Variants in ATXN7 observed in about 807,000 individuals in gnomAD.
The protein encoded by ATXN7 is ataxin-7.
In ATXN7, 12 loss-of-function variants were observed where a neutral mutation model predicts 70.5. That is an observed-to-expected ratio of 0.17 (90% CI 0.11 to 0.28). ATXN7 has a LOEUF of 0.28. Among genes scored for constraint, ATXN7 ranks in the 10% least tolerant of loss-of-function variants. The pLI, the probability that ATXN7 is intolerant of heterozygous loss-of-function variation, is 1.00. For synonymous variants in ATXN7, 498 were observed against 448.7 expected (o/e 1.11, Z -1.39); for missense variants, 1,256 against 1,131.7 (o/e 1.11, Z -1.58).
At chr3:63,863,707 A>C (rs935518680), upstream of ATXN7, 1 of 1,244,370 alleles carries the variant, frequency 8.0e-7, no homozygotes, top group East Asian at 3.2e-5. Context: ...CCGGGAGGCC[A>C]GGGGTCTCAG....
At chr3:63,887,965 T>C (rs1703138470) in intron 1 of ATXN7, among the ~76,000 whole-genome samples, 1 of 152,098 alleles carries the variant, frequency 6.6e-6, no homozygotes, top group Non-Finnish European at 1.5e-5. Context: ...TTTTACATAT[T>C]GTGTGCTACC....
At chr3:63,865,894 C>CAAAGAA (rs1702405810) in intron 1 of ATXN7, among the ~76,000 whole-genome samples, 1 of 16,558 alleles carries the variant, frequency 6.0e-5, no homozygotes, top group Non-Finnish European at 1.2e-4. Flanking sequence ...GACTCCATCT[C>CAAAGAA]AAAAAAAAAA....
At chr3:63,910,060 T>C (rs1303349884) in intron 2 of ATXN7, among the ~76,000 whole-genome samples, 1 of 152,192 alleles carries the variant, frequency 6.6e-6, no homozygotes, top group Non-Finnish European at 1.5e-5. Context: ...TTAAGCCCGC[T>C]TGTGTTTTAT....
At position 63,913,247 on chromosome 3, in the gene ATXN7, G is replaced by C. The variant is rs757231066; in HGVS notation, c.394+22G>C. On this transcript the variant is annotated intron_variant, in intron 4 of 12. Coordinates refer to ENST00000674280, the MANE Select transcript of ATXN7 (RefSeq NM_001377405.1). ...GAAGGTGAGTCCAGCCCCCCTGATG[G>C]AGTTTGTACAAACCCCTGGGAAGTT... 6.2e-6 allele frequency: 10 copies of C among 1,610,202 alleles called. No individual in the cohort carries two copies. In the South Asian group the frequency reaches 9.9e-5, roughly 16 times the overall value.
rs73834144 is a variant in ATXN7, at chr3:63,948,000, A to G, written c.395-4379A>G. On this transcript the variant is annotated intron_variant, in intron 4 of 12. Transcript: ENST00000674280. Reference sequence around the variant, plus strand: ...AGGGTAAGGGCTGGAGTTCTATTCCAAGAGGAGTAGAAAGCCACTGGAGAA... The same window carrying G: ...AGGGTAAGGGCTGGAGTTCTATTCCGAGAGGAGTAGAAAGCCACTGGAGAA... 5.1e-3 allele frequency among the ~76,000 whole-genome samples: 779 copies of G among 152,248 alleles called. 5 individuals are homozygous for G. Among genetic ancestry groups the G allele is most frequent in the African/African-American group, 0.018 (740 of 41,532 alleles).
chr3:63,865,279 A>G (rs1702375676), intron 1 of ATXN7: 1 of 152,242 alleles, frequency 6.6e-6, no homozygotes, highest in Non-Finnish European at 1.5e-5. Context: ...CAATAATACC[A>G]TTACAGTGCT....
rs1220065398 is a variant in ATXN7 at position 63,880,488 on chromosome 3, GA to G, written c.-111+16332del. On this transcript the variant is annotated intron_variant, in intron 1 of 12. Coordinates refer to ENST00000674280, the MANE Select transcript of ATXN7 (RefSeq NM_001377405.1). ...TTTGGTGCCTTTCCATTGCCTAGAG[GA>G]AGGATGATATCCAAAACTTTGAACA... is the stretch of plus-strand genomic sequence containing the variant. Among the ~76,000 whole-genome samples, 3 of 152,272 alleles carry G rather than the reference GA, an allele frequency of 2.0e-5. No individual in the cohort carries two copies. In the East Asian group the frequency reaches 5.8e-4, roughly 29 times the overall value.
chr3:63,971,922 T>G (rs962963329), intron 5 of ATXN7, among the ~76,000 whole-genome samples: 1 of 152,182 alleles, frequency 6.6e-6, no homozygotes, highest in Admixed American at 6.5e-5. Flanking sequence ...GTGCTGAGTT[T>G]TTTTTGTTTT....
chr3:63,863,988 G>C lies in ATXN7; in HGVS notation c.-281G>C. On this transcript the variant is annotated 5_prime_UTR_variant, in exon 1 of 13. Transcript: ENST00000674280. ...CCGCCGCCGCCGCCGCGGGACCCGC[G>C]CTCCCCGCGCTCCCGGTACTCCCCG... 6.7e-6 allele frequency: 1 copy of C among 148,734 alleles called. No homozygotes were observed. Among genetic ancestry groups the C allele is most frequent in the African/African-American group, 2.5e-5 (1 of 40,272 alleles). 9.2% of individuals were successfully genotyped at this position (148,734 alleles called of 1,614,324 possible). A position where few individuals can be genotyped will look rare whatever the true frequency, so the allele number is the denominator to read the frequency against.
intron 4 of ATXN7, among the ~76,000 whole-genome samples, chr3:63,931,778 C>A (rs1358417343): frequency 2.0e-5 from 3 of 152,110 alleles, no homozygotes; most frequent in Non-Finnish European, 4.4e-5. Flanking sequence ...ATGCTGCTCT[C>A]TTTTAGTGTC....
At chr3:63,969,805 C>A (rs1178721060) in intron 5 of ATXN7, among the ~76,000 whole-genome samples, 1 of 152,226 alleles carries the variant, frequency 6.6e-6, no homozygotes, top group South Asian at 2.1e-4. Flanking sequence ...CTAAAGTGTT[C>A]TTTTCCCTAA....
At chr3:63,884,102 A>G (rs1323559244) in intron 1 of ATXN7, among the ~76,000 whole-genome samples, 1 of 152,144 alleles carries the variant, frequency 6.6e-6, no homozygotes, top group Non-Finnish European at 1.5e-5. Context: ...TTGGTTTCTA[A>G]TACCATTCTC....
intron 8 of ATXN7, among the ~76,000 whole-genome samples, chr3:63,985,715 G>A (rs1463823139): frequency 6.6e-6 from 1 of 152,138 alleles, no homozygotes; most frequent in Non-Finnish European, 1.5e-5. Flanking sequence ...TTCTTCATCT[G>A]TCTAATATCC....
upstream of ATXN7, chr3:63,863,632 A>G: frequency 8.3e-7 from 1 of 1,203,284 alleles, no homozygotes; most frequent in Non-Finnish European, 1.0e-6. Context: ...CTCCGGGGAG[A>G]GGTCGGGAAG....
chr3:63,936,201 C>G (rs2074659436), intron 4 of ATXN7, among the ~76,000 whole-genome samples: 1 of 152,184 alleles, frequency 6.6e-6, no homozygotes, highest in African/African-American at 2.4e-5. Flanking sequence ...CTGCAAGTCT[C>G]TCAAACTATA....
In ATXN7 at chr3:64,002,501, G is replaced by A. The variant is rs1311973118; in HGVS notation, c.*3034G>A. 1 of 151,040 alleles carries A rather than the reference G, an allele frequency of 6.6e-6. No homozygotes were observed. Among genetic ancestry groups the A allele is most frequent in the East Asian group, 1.9e-4 (1 of 5,180 alleles). The allele number at this position is 151,040 out of a possible 1,614,324, so 9.4% of individuals were successfully genotyped here. A position where few individuals can be genotyped will look rare whatever the true frequency, so the allele number is the denominator to read the frequency against. On this transcript the variant is annotated 3_prime_UTR_variant, in exon 13 of 13. Transcript: ENST00000674280. Reference sequence around the variant, plus strand: ...TATGTGTGGGAGTATGTGACTGCGTGTGTGTGTGCCTGTGCGTGTGTGTGT... The same window carrying A: ...TATGTGTGGGAGTATGTGACTGCGTATGTGTGTGCCTGTGCGTGTGTGTGT...
chr3:63,888,736 A>G (rs1703165198), intron 1 of ATXN7, among the ~76,000 whole-genome samples: 1 of 152,188 alleles, frequency 6.6e-6, no homozygotes, highest in African/African-American at 2.4e-5. Context: ...AGATCGTGCC[A>G]GTGCACTCCA....
intron 5 of ATXN7, among the ~76,000 whole-genome samples, chr3:63,967,307 T>C (rs1265172998): frequency 1.3e-5 from 2 of 152,202 alleles, no homozygotes; most frequent in African/African-American, 4.8e-5. Flanking sequence ...TTATACATAT[T>C]TTACAAATAT....
chr3:63,961,174 A>C (rs552015218), intron 5 of ATXN7, among the ~76,000 whole-genome samples: 2 of 152,214 alleles, frequency 1.3e-5, no homozygotes, highest in East Asian at 3.9e-4. Context: ...ATATTTACCA[A>C]TGTATTTTTT....
Sources: gnomAD v4.1 joint callset for allele counts (sites outside exome capture counted in the v4.1 genomes callset) on GRCh38, gnomAD v4.1.1 for gene constraint, MANE v1.5 for transcripts, NCBI Gene and HGNC (gene_info 2026-07-23, HGNC 2026-07-21) for gene names.